TBC1D30: variants seen among roughly 807,000 people sequenced by gnomAD.
TBC1D30 encodes TBC1 domain family, member 30.
Under a neutral mutation model 63.2 loss-of-function variants are expected in TBC1D30, and 31 were observed. That is an observed-to-expected ratio of 0.49 (90% CI 0.37 to 0.66). The LOEUF is 0.66. TBC1D30 is among the 30% of genes least tolerant of loss of function. The pLI, the probability that TBC1D30 is intolerant of heterozygous loss-of-function variation, is 0.00. For missense variants in TBC1D30, 810 were observed against 953.6 expected, an observed-to-expected ratio of 0.85 and a Z score of 1.98; for synonymous variants, 307 against 361.5, an observed-to-expected ratio of 0.85 and a Z score of 1.71.
Position 64,866,966 on chromosome 12 carries a change from A to G in TBC1D30, c.1291+63A>G, listed in dbSNP as rs921541344. 7.3e-6 allele frequency: 11 copies of G among 1,505,928 alleles called. No individual in the cohort carries two copies. In the African/African-American group the frequency reaches 1.2e-4, roughly 17 times the overall value. 93.3% of individuals were successfully genotyped at this position (1,505,928 alleles called of 1,614,324 possible). On this transcript the variant is annotated intron_variant, in intron 10 of 11. Coordinates refer to ENST00000539867, the MANE Select transcript of TBC1D30 (RefSeq NM_015279.2). ...ATTGGTTTACTACAATAAGAGTGAT[A>G]TTGTGTCCTATAGATGCCCCAGTAA...
chr12:64,780,723 G>C (rs527819410), exon 1 of TBC1D30: 19 of 983,028 alleles, frequency 1.9e-5, no homozygotes, highest in Non-Finnish European at 2.3e-5. Flanking sequence ...CCACCGGCGA[G>C]GACGAAGCCG....
intron 5 of TBC1D30, among the ~76,000 whole-genome samples, chr12:64,835,865 A>C (rs1460383128): frequency 6.6e-6 from 1 of 152,202 alleles, no homozygotes; most frequent in Non-Finnish European, 1.5e-5. Flanking sequence ...AAGGTAATAC[A>C]AGTAGAAAAA....
chr12:64,827,871 C>G lies in TBC1D30; in HGVS notation c.191C>G (p.Ser64Cys). Residue 64 changes from serine (S) to cysteine (C), a missense_variant, in exon 2 of 12, where the codon TCT becomes TGT. Ser to Cys is a moderately radical substitution (Grantham distance 112, BLOSUM62 -1). Transcript: ENST00000539867. ...AAGTTGAAATTCACTCTTGAGCCAT[C>G]TTTAGGTCAAAATGGTTTTCAGCAG... ...DTKLKFTLEPSLGQNGFQQWY... is the reference protein window; with the variant it reads ...DTKLKFTLEPCLGQNGFQQWY... 1.3e-6 allele frequency: 2 copies of G among 1,534,814 alleles called. No homozygotes were observed. The highest frequency in any genetic ancestry group is 1.7e-6 in the Non-Finnish European group (2 of 1,146,374).
upstream of TBC1D30, chr12:64,824,604 T>G: frequency 3.1e-6 from 1 of 325,760 alleles, no homozygotes. Flanking sequence ...GCTCGCTCGC[T>G]CGCTCGCTCC....
chr12:64,782,308 A>G (rs1871336801), intron 1 of TBC1D30, among the ~76,000 whole-genome samples: 1 of 150,768 alleles, frequency 6.6e-6, no homozygotes, highest in East Asian at 1.9e-4. Flanking sequence ...AAAAAAAAAA[A>G]CCTAGGAAAA....
intron 8 of TBC1D30, among the ~76,000 whole-genome samples, chr12:64,853,892 G>A (rs910615632): frequency 5.9e-5 from 9 of 152,142 alleles, no homozygotes; most frequent in East Asian, 1.9e-4. Flanking sequence ...CCCACCTTCC[G>A]CATTGATCTT....
chr12:64,811,893 T>A (rs1417648163), intron 2 of TBC1D30, among the ~76,000 whole-genome samples: 1 of 152,218 alleles, frequency 6.6e-6, no homozygotes, highest in Non-Finnish European at 1.5e-5. Context: ...TTCCAAAATG[T>A]TTTGATCCTG....
At chr12:64,863,059 C>T (rs2136455791) in intron 8 of TBC1D30, among the ~76,000 whole-genome samples, 1 of 152,262 alleles carries the variant, frequency 6.6e-6, no homozygotes, top group East Asian at 1.9e-4. Flanking sequence ...GTAGCTGTTG[C>T]ATAGCTTTGT....
At chr12:64,862,934 C>G (rs1431423091) in intron 8 of TBC1D30, among the ~76,000 whole-genome samples, 1 of 152,112 alleles carries the variant, frequency 6.6e-6, no homozygotes, top group Non-Finnish European at 1.5e-5. Context: ...GTGCTGTGCT[C>G]TGGATTGGCT....
intron 4 of TBC1D30, among the ~76,000 whole-genome samples, chr12:64,831,654 A>AT (rs1478580956): frequency 4.6e-5 from 7 of 152,148 alleles, no homozygotes; most frequent in South Asian, 2.1e-4. Context: ...CTATAATCAC[A>AT]TTTTTTGCTA....
intron 2 of TBC1D30, among the ~76,000 whole-genome samples, chr12:64,801,917 G>A (rs1279468017): frequency 6.6e-6 from 1 of 152,076 alleles, no homozygotes; most frequent in Non-Finnish European, 1.5e-5. Context: ...TCCCCAAACT[G>A]CAGGAGGTTT....
chr12:64,844,750 C>A lies in TBC1D30; in HGVS notation c.1038+1265C>A, dbSNP rs528894890. Among the ~76,000 whole-genome samples the A allele has an allele frequency of 7.0e-4, 107 of 152,328 alleles. 1 individual carries two copies. Among genetic ancestry groups the A allele is most frequent in the African/African-American group, 2.5e-3 (105 of 41,562 alleles). ...CAATTGTTTTAATTTTCAGCTCCCA[C>A]AATTAAGTGAGAACATTCAAAGTTT... On this transcript the variant is annotated intron_variant, in intron 8 of 11. Coordinates refer to ENST00000539867, the MANE Select transcript of TBC1D30 (RefSeq NM_015279.2).
intron 8 of TBC1D30, among the ~76,000 whole-genome samples, chr12:64,851,131 T>TA (rs1448149221): frequency 6.6e-6 from 1 of 152,224 alleles, no homozygotes; most frequent in African/African-American, 2.4e-5. Flanking sequence ...CTGTATCATT[T>TA]TTTATTGTGT....
intron 8 of TBC1D30, among the ~76,000 whole-genome samples, chr12:64,858,678 AC>A (rs1212860511): frequency 2.0e-5 from 3 of 152,338 alleles, no homozygotes; most frequent in Admixed American, 2.0e-4. Context: ...CTTCCTTGTT[AC>A]TAACCACGGT....
intron 8 of TBC1D30, among the ~76,000 whole-genome samples, chr12:64,844,540 T>C (rs1452657028): frequency 1.3e-5 from 2 of 152,244 alleles, no homozygotes; most frequent in Non-Finnish European, 2.9e-5. Flanking sequence ...ATTATACTTT[T>C]AAATTTATTT....
At chr12:64,779,760 CGTT>C (rs1871180702), upstream of TBC1D30, among the ~76,000 whole-genome samples, 1 of 152,158 alleles carries the variant, frequency 6.6e-6, no homozygotes, top group African/African-American at 2.4e-5. Context: ...TGAATGGACA[CGTT>C]ATTTAGCCTC....
intron 8 of TBC1D30, among the ~76,000 whole-genome samples, chr12:64,858,866 T>C (rs2136444657): frequency 6.6e-6 from 1 of 151,568 alleles, no homozygotes; most frequent in South Asian, 2.1e-4. Context: ...TCGAGGGAGG[T>C]GTGCAGAGGG....
intron 5 of TBC1D30, among the ~76,000 whole-genome samples, chr12:64,832,942 T>G (rs570070782): frequency 4.1e-4 from 63 of 152,250 alleles, no homozygotes; most frequent in African/African-American, 1.3e-3. Flanking sequence ...AGAGTTTAAG[T>G]TACAGATTTG....
At chr12:64,789,180 TCTTC>T (rs1472935823) in intron 2 of TBC1D30, among the ~76,000 whole-genome samples, 6 of 129,008 alleles carry the variant, frequency 4.7e-5, no homozygotes, top group African/African-American at 1.8e-4. Context: ...TCCTTCTTCT[TCTTC>T]TTTTTTTTTT....
Sources: gnomAD v4.1 joint callset for allele counts (sites outside exome capture counted in the v4.1 genomes callset) on GRCh38, gnomAD v4.1.1 for gene constraint, MANE v1.5 for transcripts, NCBI Gene and HGNC (gene_info 2026-07-23, HGNC 2026-07-21) for gene names.